Variants in IFITM10 observed in about 807,000 individuals in gnomAD.
The protein encoded by IFITM10 is interferon induced transmembrane protein 10.
Under a neutral mutation model 19.0 loss-of-function variants are expected in IFITM10, and 17 were observed. The observed-to-expected ratio is 0.90, with a 90% CI of 0.61 to 1.34. The LOEUF (loss-of-function observed/expected upper bound fraction) is 1.34, where lower values mean the gene tolerates loss of function less well. Among genes scored for constraint, IFITM10 ranks in the 40% most tolerant of loss-of-function variants. The probability of loss-of-function intolerance (pLI) is 0.00; values close to 1 mark genes in which losing one functional copy is unlikely to be tolerated. For missense variants in IFITM10, 306 were observed against 319.8 expected, an observed-to-expected ratio of 0.96 and a Z score of 0.33; for synonymous variants, 148 against 147.2, an observed-to-expected ratio of 1.01 and a Z score of -0.04.
rs1369211546 is a variant in IFITM10 at position 1,749,151 on chromosome 11, G to A, written c.85-1032C>T. On this transcript the variant is annotated intron_variant, in intron 1 of 2. Transcript: ENST00000340134. Reference sequence around the variant, plus strand: ...CCTTGAGGGGGTGGGGAGCGCGCGGGGCTCGGCGGCGGCGCCGCTGCCTCC... The same window carrying A: ...CCTTGAGGGGGTGGGGAGCGCGCGGAGCTCGGCGGCGGCGCCGCTGCCTCC... 1.8e-5 allele frequency: 17 copies of A among 967,448 alleles called. No homozygotes were observed. In the East Asian group the frequency reaches 1.9e-3, roughly 111 times the overall value. 59.9% of individuals were successfully genotyped at this position (967,448 alleles called of 1,614,324 possible).
chr11:1,738,027 T>C (rs1388710627), intron 2 of IFITM10, among the ~76,000 whole-genome samples: 1 of 151,362 alleles, frequency 6.6e-6, no homozygotes, highest in Admixed American at 6.6e-5. Flanking sequence ...CTAAAGAAGA[T>C]AGGGAAGAGG....
intron 2 of IFITM10, chr11:1,744,397 C>G (rs960675892): frequency 6.6e-6 from 1 of 152,444 alleles, no homozygotes; most frequent in African/African-American, 2.4e-5. Context: ...GTGACCGGGG[C>G]GGGGAACCGC....
Position 1,748,126 on chromosome 11 carries a change from A to G in IFITM10, c.85-7T>C, listed in dbSNP as rs1845672528. On this transcript the variant is annotated splice_region_variant and splice_polypyrimidine_tract_variant and intron_variant, in intron 1 of 2. Coordinates refer to ENST00000340134, the MANE Select transcript of IFITM10 (RefSeq NM_001170820.4). ...ACTGGCCGGGGCCCTGGGCCTGGAG[A>G]GGAGAAAGTGAGAGCAAGCTGGGCC... 7.3e-7 allele frequency: 1 copy of G among 1,364,366 alleles called. No individual in the cohort carries two copies. Among genetic ancestry groups the G allele is most frequent in the Non-Finnish European group, 9.4e-7 (1 of 1,066,480 alleles). The allele number at this position is 1,364,366 out of a possible 1,614,324, so 84.5% of individuals were successfully genotyped here.
At chr11:1,743,064 CGGATGGATGGATGGATGGAGGAT>C (rs1565013124) in intron 2 of IFITM10, among the ~76,000 whole-genome samples, 1 of 93,502 alleles carries the variant, frequency 1.1e-5, no homozygotes, top group African/African-American at 4.4e-5. Flanking sequence ...GGATGGAGGG[CGGATGGATGGATGGATGGAGGAT>C]GGATGGAGGA....
chr11:1,746,800 C>G (rs967055322), intron 2 of IFITM10: 1 of 398,596 alleles, frequency 2.5e-6, no homozygotes, highest in Non-Finnish European at 4.4e-6. Flanking sequence ...CAAGTCTGGG[C>G]TGGGGAAATG....
At position 1,750,371 on chromosome 11, in the gene IFITM10, C is replaced by A; in HGVS notation, c.72G>T (p.Gln24His). ...FRGTLERVEA[Q>H]WELEAQGPGQ... ...CCTCTTCACCAACCTCCAGCTCCCA[C>A]TGAGCCTCGACCCTCTCCAAAGTCC... The change falls in exon 1 of 3, where the codon CAG becomes CAT. Residue 24 changes from glutamine to histidine, a missense_variant. Transcript: ENST00000340134. 6.4e-7 allele frequency: 1 copy of A among 1,550,548 alleles called. No homozygotes were observed. Among genetic ancestry groups the A allele is most frequent in the South Asian group, 1.2e-5 (1 of 84,056 alleles).
chr11:1,750,507 G>T lies in IFITM10; in HGVS notation c.-65C>A. 6.5e-7 allele frequency: 1 copy of T among 1,543,546 alleles called. No homozygotes were observed. The highest frequency in any genetic ancestry group is 1.4e-5 in the African/African-American group (1 of 72,978). On this transcript the variant is annotated 5_prime_UTR_variant, in exon 1 of 3. Coordinates refer to ENST00000340134, the MANE Select transcript of IFITM10 (RefSeq NM_001170820.4). ...CTCTGCCACTCTCAACTGGCCTCCT[G>T]TGTCTCCGCAACCCTCTTTCCTGTC...
chr11:1,742,279 G>A (rs755339385), intron 2 of IFITM10, among the ~76,000 whole-genome samples: 24 of 152,132 alleles, frequency 1.6e-4, no homozygotes, highest in Non-Finnish European at 2.8e-4. Flanking sequence ...AGTAAAGCAC[G>A]TAGGCGGATG....
intron 2 of IFITM10, chr11:1,745,206 C>G (rs1845624317): frequency 6.5e-6 from 1 of 152,778 alleles, no homozygotes; most frequent in South Asian, 2.1e-4. Flanking sequence ...TACCTACAAC[C>G]CGAGCCAGAT....
intron 2 of IFITM10, among the ~76,000 whole-genome samples, chr11:1,739,915 C>A (rs1851127576): frequency 6.6e-6 from 1 of 152,122 alleles, no homozygotes; most frequent in Admixed American, 6.5e-5. Flanking sequence ...GAGCACGGTG[C>A]AGGCTCTGTG....
In IFITM10 at chr11:1,737,317, G is replaced by A. The variant is rs140104238; in HGVS notation, c.538-1888C>T. 1.1e-4 allele frequency among the ~76,000 whole-genome samples: 17 copies of A among 152,240 alleles called. No homozygotes were observed. In the East Asian group the frequency reaches 2.9e-3, roughly 26 times the overall value. On this transcript the variant is annotated intron_variant, in intron 2 of 2. Transcript: ENST00000340134. ...CTATCATATTGTACTAACTGACCAC[G>A]TGTTCTTAATAATAAATCATATCTA...
rs1307799552 is a variant in IFITM10, at chr11:1,734,876, G to T, written c.*404C>A. 1.0e-5 allele frequency: 2 copies of T among 196,908 alleles called. No homozygotes were observed. The highest frequency in any genetic ancestry group is 2.1e-5 in the Non-Finnish European group (2 of 97,158). 12.2% of individuals were successfully genotyped at this position (196,908 alleles called of 1,614,324 possible). The stretch of plus-strand genomic sequence containing the variant: ...CGGGGTCACATCGTGGAGGAGGCAG[G>T]GTCGGGGAGCACAGAGTGAGTCCTC... On this transcript the variant is annotated 3_prime_UTR_variant, in exon 3 of 3. Coordinates refer to ENST00000340134, the MANE Select transcript of IFITM10 (RefSeq NM_001170820.4).
intron 2 of IFITM10, among the ~76,000 whole-genome samples, chr11:1,737,484 CTAACAACT>C (rs1392082137): frequency 6.6e-6 from 1 of 152,200 alleles, no homozygotes; most frequent in Non-Finnish European, 1.5e-5. Flanking sequence ...CTTAGGCCAG[CTAACAACT>C]TACTCTTCTG....
At chr11:1,739,053 CAAAAAAAAAAA>C (rs71025777) in intron 2 of IFITM10, among the ~76,000 whole-genome samples, 5 of 42,110 alleles carry the variant, frequency 1.2e-4, no homozygotes, top group African/African-American at 4.9e-4. Context: ...GACTCCGTCT[CAAAAAAAAAAA>C]AAAAAAAAAA....
At chr11:1,744,023 C>T (rs1845605510) in intron 2 of IFITM10, among the ~76,000 whole-genome samples, 1 of 152,182 alleles carries the variant, frequency 6.6e-6, no homozygotes, top group Admixed American at 6.5e-5. Flanking sequence ...ACCTACGTGT[C>T]TTAGTTTATG....
At chr11:1,750,292 T>A (rs1845702280) in intron 1 of IFITM10, 67 bp downstream of exon 1, 1 of 1,547,164 alleles carries the variant, frequency 6.5e-7, no homozygotes, top group African/African-American at 1.4e-5. Flanking sequence ...ACTCCAGCCT[T>A]CCCTCCCTCC....
chr11:1,750,181 GCC>G, intron 1 of IFITM10, 176 bp downstream of exon 1: 3 of 626,214 alleles, frequency 4.8e-6, no homozygotes, highest in Non-Finnish European at 6.0e-6. Context: ...AGCCTCAGCC[GCC>G]TCCGCTACCC....
At position 1,735,061 on chromosome 11, in the gene IFITM10, T is replaced by C. The variant is rs2292958; in HGVS notation, c.*219A>G. 201,192 of 553,886 alleles carry C rather than the reference T, an allele frequency of 0.36. 39,556 individuals are homozygous for C. The highest frequency in any genetic ancestry group is 0.6 in the African/African-American group (31,406 of 52,558). 34.3% of individuals were successfully genotyped at this position (553,886 alleles called of 1,614,324 possible). ...CCCCAGGCCCCAGACACAGGCAGGGTGGAGGCCAGGAGGCGGAGGGGGTGG... is the reference window on the plus strand; with the variant it reads ...CCCCAGGCCCCAGACACAGGCAGGGCGGAGGCCAGGAGGCGGAGGGGGTGG... On this transcript the variant is annotated 3_prime_UTR_variant, in exon 3 of 3. Transcript: ENST00000340134.
In IFITM10 at chr11:1,747,876, T is replaced by C; in HGVS notation, c.328A>G (p.Ser110Gly). ...GCCCGCACGCTGTCGGTCTTGCTGC[T>C]CTTGGACTCCATGGGGAACAGTGTG... is the stretch of plus-strand genomic sequence containing the variant. ...APTLFPMESK[S>G]SKTDSVRAAG... Residue 110 changes from serine to glycine, a missense_variant, in exon 2 of 3, where the codon AGC becomes GGC. Coordinates refer to ENST00000340134, the MANE Select transcript of IFITM10 (RefSeq NM_001170820.4). 1 of 1,532,470 alleles carries C rather than the reference T, an allele frequency of 6.5e-7. No homozygotes were observed. Among genetic ancestry groups the C allele is most frequent in the Non-Finnish European group, 8.8e-7 (1 of 1,136,614 alleles). 94.9% of individuals were successfully genotyped at this position (1,532,470 alleles called of 1,614,324 possible).
Sources: allele counts gnomAD v4.1 joint callset (sites outside exome capture counted in the v4.1 genomes callset), GRCh38; gene constraint gnomAD v4.1.1; transcripts MANE v1.5; gene names NCBI Gene and HGNC (gene_info 2026-07-23, HGNC 2026-07-21).